Variants in CWC27 observed in about 807,000 individuals in gnomAD.
CWC27 encodes the protein spliceosome-associated protein CWC27 homolog.
A neutral mutation model predicts 63.6 loss-of-function variants in CWC27; 47 were observed. The ratio of observed to expected loss-of-function variants is 0.74; its 90% CI spans 0.58 to 0.94. CWC27 has a LOEUF of 0.94. Among genes scored for constraint, CWC27 ranks in the 40% least tolerant of loss-of-function variants. The pLI, the probability that CWC27 is intolerant of heterozygous loss-of-function variation, is 0.00. For missense variants in CWC27, 495 were observed against 554.3 expected (o/e 0.89, Z 1.07); for synonymous variants, 175 against 179.8 (o/e 0.97, Z 0.22).
intron 7 of CWC27, among the ~76,000 whole-genome samples, chr5:64,790,524 A>G (rs891177704): frequency 6.6e-6 from 1 of 152,126 alleles, no homozygotes; most frequent in Non-Finnish European, 1.5e-5. Flanking sequence ...GATGTTTTCT[A>G]AAGATGTCAA....
chr5:64,846,200 A>C (rs1229619597), intron 10 of CWC27, among the ~76,000 whole-genome samples: 1 of 152,248 alleles, frequency 6.6e-6, no homozygotes, highest in Non-Finnish European at 1.5e-5. Context: ...AAACATATGA[A>C]TTGCAAAACT....
At chr5:64,800,576 C>G (rs542954900) in intron 8 of CWC27, among the ~76,000 whole-genome samples, 8 of 152,334 alleles carry the variant, frequency 5.3e-5, no homozygotes, top group African/African-American at 1.9e-4. Flanking sequence ...TTTACCATTA[C>G]ATGTTAGGAC....
chr5:64,987,116 T>C (rs1280927348), intron 13 of CWC27, among the ~76,000 whole-genome samples: 2 of 152,020 alleles, frequency 1.3e-5, no homozygotes, highest in Non-Finnish European at 2.9e-5. Context: ...AGGGTACAGG[T>C]GCACAATGTG....
chr5:64,843,209 A>G lies in CWC27; in HGVS notation c.938+38823A>G, dbSNP rs543650270. ...CATTAGCTTTATTTGTTCAGCAAGA[A>G]CTCTGAGATTTTCTAAGATTTTAAT... On this transcript the variant is annotated intron_variant, in intron 10 of 13. Coordinates refer to ENST00000381070, the MANE Select transcript of CWC27 (RefSeq NM_005869.4). Among the ~76,000 whole-genome samples, 6 of 152,182 alleles carry G rather than the reference A, an allele frequency of 3.9e-5. No individual in the cohort carries two copies. In the East Asian group the frequency reaches 7.7e-4, roughly 20 times the overall value.
intron 11 of CWC27, among the ~76,000 whole-genome samples, chr5:64,960,778 A>G (rs1748891524): frequency 7.3e-6 from 1 of 136,690 alleles, no homozygotes; most frequent in African/African-American, 2.6e-5. Flanking sequence ...ATAGCCACTC[A>G]GTACACTTCT....
At chr5:65,007,308 C>CAAG (rs1241524614) in intron 13 of CWC27, among the ~76,000 whole-genome samples, 1 of 152,080 alleles carries the variant, frequency 6.6e-6, no homozygotes, top group Non-Finnish European at 1.5e-5. Flanking sequence ...TTGCCACAGC[C>CAAG]AAGAGTAGGC....
chr5:64,809,100 C>T (rs2112224707), intron 10 of CWC27, among the ~76,000 whole-genome samples: 1 of 152,258 alleles, frequency 6.6e-6, no homozygotes, highest in Non-Finnish European at 1.5e-5. Flanking sequence ...ATTCTAGTTA[C>T]TTCCCCCTCA....
At chr5:65,011,565 G>A (rs1227163218) in intron 13 of CWC27, among the ~76,000 whole-genome samples, 1 of 152,228 alleles carries the variant, frequency 6.6e-6, no homozygotes, top group Admixed American at 6.5e-5. Context: ...AGAAGGAGAT[G>A]TAACAGGCTG....
chr5:64,908,998 G>A (rs1047393894), intron 11 of CWC27, among the ~76,000 whole-genome samples: 2 of 152,052 alleles, frequency 1.3e-5, no homozygotes, highest in Non-Finnish European at 2.9e-5. Context: ...TTACAATTTG[G>A]CATGTTTTTG....
At chr5:64,781,545 C>A (rs1226884673) in intron 2 of CWC27, among the ~76,000 whole-genome samples, 1 of 152,128 alleles carries the variant, frequency 6.6e-6, no homozygotes, top group Admixed American at 6.5e-5. Context: ...ATCCCTGCCC[C>A]CTACTCACTG....
At chr5:64,883,657 A>T (rs1412509406) in intron 10 of CWC27, among the ~76,000 whole-genome samples, 1 of 152,208 alleles carries the variant, frequency 6.6e-6, no homozygotes, top group Non-Finnish European at 1.5e-5. Flanking sequence ...AGAAAAGGCC[A>T]TTGAATTTGG....
chr5:64,929,464 A>G (rs1748192331), intron 11 of CWC27, among the ~76,000 whole-genome samples: 1 of 152,212 alleles, frequency 6.6e-6, no homozygotes, highest in Non-Finnish European at 1.5e-5. Context: ...CTCCACTGTT[A>G]AATCTGGAAT....
chr5:64,830,833 T>C (rs529436672), intron 10 of CWC27, among the ~76,000 whole-genome samples: 46 of 152,240 alleles, frequency 3.0e-4, no homozygotes, highest in African/African-American at 1.1e-3. Flanking sequence ...CTCATCCTTT[T>C]TTATGGCTGC....
chr5:64,783,375 C>A (rs899875672), intron 3 of CWC27, among the ~76,000 whole-genome samples: 1 of 152,166 alleles, frequency 6.6e-6, no homozygotes, highest in Non-Finnish European at 1.5e-5. Context: ...AATTACATAA[C>A]ACAATCATAG....
chr5:64,950,810 C>T (rs566364488), intron 11 of CWC27, among the ~76,000 whole-genome samples: 4 of 152,046 alleles, frequency 2.6e-5, no homozygotes, highest in Non-Finnish European at 5.9e-5. Context: ...ATAGACCCAG[C>T]CCTGGCAACC....
intron 10 of CWC27, among the ~76,000 whole-genome samples, chr5:64,817,981 T>G (rs374485943): frequency 2.3e-3 from 343 of 152,262 alleles, no homozygotes; most frequent in South Asian, 0.013. Flanking sequence ...TAATACATGT[T>G]ACTGCTTTTT....
chr5:64,844,387 A>G (rs990223216), intron 10 of CWC27, among the ~76,000 whole-genome samples: 2 of 152,108 alleles, frequency 1.3e-5, no homozygotes, highest in Admixed American at 6.5e-5. Context: ...TTGACCCCCA[A>G]AGCTAAGCTA....
chr5:65,004,909 T>TACATACAC (rs1554030584), intron 13 of CWC27, among the ~76,000 whole-genome samples: 5 of 65,086 alleles, frequency 7.7e-5, no homozygotes, highest in African/African-American at 2.5e-4. Flanking sequence ...TATATATACA[T>TACATACAC]ACACACACAC....
chr5:64,945,737 A>G (rs1748579257), intron 11 of CWC27, among the ~76,000 whole-genome samples: 1 of 152,174 alleles, frequency 6.6e-6, no homozygotes, highest in African/African-American at 2.4e-5. Flanking sequence ...TCCTCTTTCC[A>G]TAATGGTAAC....
Sources: allele counts gnomAD v4.1 joint callset (sites outside exome capture counted in the v4.1 genomes callset), GRCh38; gene constraint gnomAD v4.1.1; transcripts MANE v1.5; gene names NCBI Gene and HGNC (gene_info 2026-07-23, HGNC 2026-07-21).